Variants in RAB3C observed in about 807,000 individuals in gnomAD.
RAB3C encodes RAB3C, member RAS oncogene family.
RAB3C carries 17 observed loss-of-function variants against 26.4 expected under a neutral mutation model. That is an observed-to-expected ratio of 0.64 (90% CI 0.44 to 0.97). The LOEUF is 0.97. RAB3C is among the 50% of genes least tolerant of loss of function. The probability of loss-of-function intolerance (pLI) is 0.00; values close to 1 mark genes in which losing one functional copy is unlikely to be tolerated. For missense variants in RAB3C, 242 were observed against 281.9 expected, an observed-to-expected ratio of 0.86 and a Z score of 1.01; for synonymous variants, 91 against 95.9, an observed-to-expected ratio of 0.95 and a Z score of 0.30.
chr5:58,785,195 T>G (rs960876887), intron 3 of RAB3C, among the ~76,000 whole-genome samples: 20 of 152,224 alleles, frequency 1.3e-4, no homozygotes, highest in African/African-American at 4.6e-4. Context: ...CTTTCAAAAT[T>G]ATCTGCACGA....
At chr5:58,659,208 A>G (rs572364384) in intron 2 of RAB3C, among the ~76,000 whole-genome samples, 19 of 152,384 alleles carry the variant, frequency 1.2e-4, no homozygotes, top group African/African-American at 4.6e-4. Flanking sequence ...ATGTGCAGAT[A>G]TGTAGGTATA....
intron 3 of RAB3C, among the ~76,000 whole-genome samples, chr5:58,804,073 A>C (rs1230750936): frequency 1.3e-5 from 2 of 150,880 alleles, no homozygotes; most frequent in African/African-American, 4.9e-5. Flanking sequence ...AAAAAAAAAA[A>C]TGAAATTCTT....
At chr5:58,799,369 G>T (rs1401949195) in intron 3 of RAB3C, among the ~76,000 whole-genome samples, 4 of 151,812 alleles carry the variant, frequency 2.6e-5, no homozygotes, top group Non-Finnish European at 4.4e-5. Flanking sequence ...TTTTAATGAA[G>T]AGTTGGGGAA....
chr5:58,845,968 T>C (rs926765871), intron 4 of RAB3C, among the ~76,000 whole-genome samples: 1 of 152,078 alleles, frequency 6.6e-6, no homozygotes, highest in Non-Finnish European at 1.5e-5. Flanking sequence ...TGAGATATGG[T>C]CCTTTATGTC....
At chr5:58,809,578 T>C (rs192992175) in intron 3 of RAB3C, among the ~76,000 whole-genome samples, 23 of 152,278 alleles carry the variant, frequency 1.5e-4, no homozygotes, top group African/African-American at 5.3e-4. Flanking sequence ...GATTTATGTG[T>C]CCCCACCCAT....
intron 2 of RAB3C, among the ~76,000 whole-genome samples, chr5:58,673,721 C>G (rs1005800806): frequency 6.6e-6 from 1 of 152,056 alleles, no homozygotes; most frequent in African/African-American, 2.4e-5. Context: ...ATTACGTTTC[C>G]CAATGAAAAA....
intron 2 of RAB3C, among the ~76,000 whole-genome samples, chr5:58,664,538 T>C (rs973859869): frequency 6.6e-6 from 1 of 152,056 alleles, no homozygotes; most frequent in African/African-American, 2.4e-5. Flanking sequence ...ATGAGGGTGA[T>C]GGGAATGCTC....
chr5:58,685,732 G>A (rs62366574), intron 2 of RAB3C, among the ~76,000 whole-genome samples: 1,619 of 152,174 alleles, frequency 0.011, 84 homozygotes, highest in Admixed American at 0.092. Context: ...TATGAGCTAG[G>A]CATTCTTCTA....
chr5:58,797,348 AAAAAAATATG>A (rs1561133335), intron 3 of RAB3C, among the ~76,000 whole-genome samples: 3 of 6,670 alleles, frequency 4.5e-4, no homozygotes, highest in African/African-American at 1.1e-3. Context: ...ACAAAAAAAA[AAAAAAATATG>A]TATATATATA....
chr5:58,806,944 G>A (rs1266506641), intron 3 of RAB3C, among the ~76,000 whole-genome samples: 1 of 152,176 alleles, frequency 6.6e-6, no homozygotes, highest in African/African-American at 2.4e-5. Flanking sequence ...TCAAAGGAAG[G>A]TAAGTGGTAG....
chr5:58,642,638 C>G (rs573029139), intron 2 of RAB3C, among the ~76,000 whole-genome samples: 14 of 152,208 alleles, frequency 9.2e-5, no homozygotes, highest in Non-Finnish European at 1.8e-4. Flanking sequence ...GAAAAGCCTA[C>G]TAGAAAAACA....
chr5:58,655,025 A>G (rs984342081), intron 2 of RAB3C, among the ~76,000 whole-genome samples: 2 of 152,200 alleles, frequency 1.3e-5, no homozygotes, highest in African/African-American at 4.8e-5. Context: ...AATTTTATTT[A>G]TGATAGATAT....
intron 3 of RAB3C, among the ~76,000 whole-genome samples, chr5:58,753,631 C>A (rs1741582635): frequency 6.6e-6 from 1 of 152,156 alleles, no homozygotes; most frequent in African/African-American, 2.4e-5. Context: ...AGTTGCACAG[C>A]TGTCTTCACA....
intron 1 of RAB3C, among the ~76,000 whole-genome samples, chr5:58,609,895 C>A (rs533255107): frequency 6.6e-6 from 1 of 152,164 alleles, no homozygotes; most frequent in African/African-American, 2.4e-5. Context: ...CCTGGGCAGC[C>A]CTTTCAGCTT....
chr5:58,679,191 TG>T (rs1019784083), intron 2 of RAB3C, among the ~76,000 whole-genome samples: 1 of 151,886 alleles, frequency 6.6e-6, no homozygotes, highest in East Asian at 1.9e-4. Flanking sequence ...AGCAGCAGGG[TG>T]GGGGTATCAG....
chr5:58,688,597 AT>A (rs1410355877), intron 2 of RAB3C, among the ~76,000 whole-genome samples: 1 of 152,146 alleles, frequency 6.6e-6, no homozygotes, highest in East Asian at 1.9e-4. Flanking sequence ...GAACATGTCA[AT>A]TCTACTGTCT....
intron 3 of RAB3C, among the ~76,000 whole-genome samples, chr5:58,814,489 C>A (rs1365308955): frequency 1.3e-5 from 2 of 152,170 alleles, no homozygotes; most frequent in Non-Finnish European, 2.9e-5. Context: ...AGCCTGATTG[C>A]CTTCCCACTA....
chr5:58,782,907 A>C (rs1332395619), intron 3 of RAB3C, among the ~76,000 whole-genome samples: 1 of 152,050 alleles, frequency 6.6e-6, no homozygotes, highest in Non-Finnish European at 1.5e-5. Context: ...TCATTTTCAC[A>C]GCCTTTGATT....
intron 3 of RAB3C, among the ~76,000 whole-genome samples, chr5:58,796,565 A>G (rs1324794902): frequency 6.6e-6 from 1 of 152,202 alleles, no homozygotes; most frequent in Non-Finnish European, 1.5e-5. Flanking sequence ...AATTGTAAAG[A>G]GATTATTTAC....
Sources: allele counts gnomAD v4.1 joint callset (sites outside exome capture counted in the v4.1 genomes callset), GRCh38; gene constraint gnomAD v4.1.1; transcripts MANE v1.5; gene names NCBI Gene and HGNC (gene_info 2026-07-23, HGNC 2026-07-21).